WWOX: variants seen among roughly 807,000 people sequenced by gnomAD.
WWOX encodes the protein WW domain-containing oxidoreductase.
Under a neutral mutation model 46.2 loss-of-function variants are expected in WWOX, and 69 were observed. The ratio of observed to expected loss-of-function variants is 1.49; its 90% CI spans 1.23 to 1.82. WWOX has a LOEUF of 1.82. Ranked by LOEUF, WWOX falls within the 40% of genes most tolerant of loss-of-function variation. The pLI, the probability that WWOX is intolerant of heterozygous loss-of-function variation, is 0.00. For synonymous variants in WWOX, 359 were observed against 202.6 expected, an observed-to-expected ratio of 1.77 and a Z score of -6.56; for missense variants, 919 against 542.6, an observed-to-expected ratio of 1.69 and a Z score of -6.89.
intron 8 of WWOX, among the ~76,000 whole-genome samples, chr16:78,569,142 T>C (rs2044650697): frequency 6.6e-6 from 1 of 152,118 alleles, no homozygotes; most frequent in African/African-American, 2.4e-5. Context: ...AGGGACCTGT[T>C]GGGGTGGGAG....
chr16:78,602,577 T>G (rs1301011526), intron 8 of WWOX, among the ~76,000 whole-genome samples: 1 of 152,190 alleles, frequency 6.6e-6, no homozygotes, highest in African/African-American at 2.4e-5. Context: ...GCTGTTGTGC[T>G]GGTAGCATCA....
intron 8 of WWOX, among the ~76,000 whole-genome samples, chr16:78,459,029 A>G (rs568664281): frequency 8.5e-5 from 13 of 152,328 alleles, no homozygotes; most frequent in African/African-American, 2.9e-4. Flanking sequence ...GAGGGATTCT[A>G]TTAGTAAACT....
chr16:79,196,476 A>C (rs1016151129), intron 8 of WWOX: 1 of 152,154 alleles, frequency 6.6e-6, no homozygotes, highest in Non-Finnish European at 1.5e-5. Context: ...ATCTCTGCTC[A>C]CTTAGGTTTG....
rs114271732 is a variant in WWOX at position 78,276,227 on chromosome 16, T to C, written c.517-110633T>C. On this transcript the variant is annotated intron_variant, in intron 5 of 8. Transcript: ENST00000566780. ...TCCTTTGGCTCTTACTCTCACCAGC[T>C]CTTAGACTTGGGGTAGGTTAGTTAG... Among the ~76,000 whole-genome samples the C allele has an allele frequency of 4.2e-3, 640 of 152,266 alleles. 9 individuals carry two copies. Among genetic ancestry groups the C allele is most frequent in the African/African-American group, 0.015 (611 of 41,552 alleles).
At chr16:78,621,696 G>T (rs922336857) in intron 8 of WWOX, among the ~76,000 whole-genome samples, 4 of 140,136 alleles carry the variant, frequency 2.9e-5, no homozygotes, top group Admixed American at 2.4e-4. Context: ...GCTCTGCGTC[G>T]TGGGTTCATG....
intron 5 of WWOX, among the ~76,000 whole-genome samples, chr16:78,260,630 T>A (rs1055244892): frequency 6.7e-6 from 1 of 149,920 alleles, no homozygotes; most frequent in Admixed American, 6.6e-5. Flanking sequence ...ATTGCACCAC[T>A]GCACTCCAGC....
At chr16:78,814,603 T>G (rs2051283070) in intron 8 of WWOX, among the ~76,000 whole-genome samples, 1 of 152,206 alleles carries the variant, frequency 6.6e-6, no homozygotes, top group Non-Finnish European at 1.5e-5. Context: ...TTTCAAGATG[T>G]ATCCTTTGTG....
chr16:78,967,353 G>T (rs1368459639), intron 8 of WWOX, among the ~76,000 whole-genome samples: 1 of 122,614 alleles, frequency 8.2e-6, no homozygotes, highest in Non-Finnish European at 1.6e-5. Flanking sequence ...GCAGTGGCAT[G>T]ATCATGGCTC....
At chr16:79,122,614 T>G (rs1257034758) in intron 8 of WWOX, among the ~76,000 whole-genome samples, 1 of 151,806 alleles carries the variant, frequency 6.6e-6, no homozygotes, top group Non-Finnish European at 1.5e-5. Context: ...CCTCCCATAC[T>G]CTCTACTTTT....
chr16:78,443,133 C>G (rs2083482434), intron 8 of WWOX, among the ~76,000 whole-genome samples: 1 of 82,712 alleles, frequency 1.2e-5, no homozygotes, highest in South Asian at 4.6e-4. Flanking sequence ...GAGACTCCAT[C>G]TCAAAAAAAA....
chr16:79,007,545 A>G (rs191020369), intron 8 of WWOX, among the ~76,000 whole-genome samples: 127 of 152,332 alleles, frequency 8.3e-4, no homozygotes, highest in African/African-American at 2.7e-3. Context: ...CACCCAAAAT[A>G]TCCATAACCG....
chr16:78,443,096 A>G (rs1597092506), intron 8 of WWOX, among the ~76,000 whole-genome samples: 1 of 143,250 alleles, frequency 7.0e-6, no homozygotes, highest in Non-Finnish European at 1.5e-5. Context: ...AGATCGCACC[A>G]CTGCACTCCA....
At chr16:79,092,648 T>C (rs1427624131) in intron 8 of WWOX, among the ~76,000 whole-genome samples, 1 of 152,196 alleles carries the variant, frequency 6.6e-6, no homozygotes, top group Admixed American at 6.5e-5. Context: ...TAAAAGTCGT[T>C]GGCGAGGAGT....
intron 8 of WWOX, among the ~76,000 whole-genome samples, chr16:79,033,413 A>G (rs931542790): frequency 9.2e-5 from 14 of 151,558 alleles, no homozygotes; most frequent in African/African-American, 3.1e-4. Flanking sequence ...TTAAGGCTGC[A>G]TAGTATTCCA....
intron 5 of WWOX, among the ~76,000 whole-genome samples, chr16:78,379,548 G>A (rs1431434843): frequency 6.6e-6 from 1 of 152,214 alleles, no homozygotes; most frequent in Non-Finnish European, 1.5e-5. Flanking sequence ...TGTGCTGCTA[G>A]ATTTGCCAAA....
intron 7 of WWOX, among the ~76,000 whole-genome samples, chr16:78,431,792 C>G (rs944182784): frequency 6.6e-6 from 1 of 151,886 alleles, no homozygotes; most frequent in Non-Finnish European, 1.5e-5. Flanking sequence ...TCATAGCTCA[C>G]TGCAACGTTG....
chr16:78,641,646 A>C (rs1279081245), intron 8 of WWOX, among the ~76,000 whole-genome samples: 1 of 152,168 alleles, frequency 6.6e-6, no homozygotes. Context: ...TGGTTAACCC[A>C]AGCAAGAGGT....
intron 5 of WWOX, among the ~76,000 whole-genome samples, chr16:78,178,484 G>T (rs951630836): frequency 2.6e-5 from 4 of 152,152 alleles, no homozygotes; most frequent in African/African-American, 9.7e-5. Flanking sequence ...TTCCTCTTAT[G>T]GGTAGTGATG....
chr16:79,020,643 A>T (rs145011906), intron 8 of WWOX, among the ~76,000 whole-genome samples: 33 of 152,302 alleles, frequency 2.2e-4, no homozygotes, highest in African/African-American at 7.7e-4. Flanking sequence ...GGAAGGGGAC[A>T]TTTCAGGCCA....
Sources: allele counts gnomAD v4.1 joint callset (sites outside exome capture counted in the v4.1 genomes callset), GRCh38; gene constraint gnomAD v4.1.1; transcripts MANE v1.5; gene names NCBI Gene and HGNC (gene_info 2026-07-23, HGNC 2026-07-21).